Variants in NCALD observed in about 807,000 individuals in gnomAD.
The protein encoded by NCALD is neurocalcin delta.
A neutral mutation model predicts 18.6 loss-of-function variants in NCALD; 10 were observed. The observed-to-expected ratio is 0.54, with a 90% CI of 0.33 to 0.91. The LOEUF is 0.91. Ranked by LOEUF, NCALD falls within the 40% of genes least tolerant of loss-of-function variation. NCALD has a pLI of 0.03. For missense variants in NCALD, 184 were observed against 247.6 expected, an observed-to-expected ratio of 0.74 and a Z score of 1.72; for synonymous variants, 88 against 87.4, an observed-to-expected ratio of 1.01 and a Z score of -0.04.
upstream of NCALD, among the ~76,000 whole-genome samples, chr8:101,793,187 A>T (rs1812510110): frequency 6.6e-6 from 1 of 152,002 alleles, no homozygotes; most frequent in African/African-American, 2.4e-5. Flanking sequence ...CGTCTCTATT[A>T]AAAATACAAA....
chr8:101,867,604 G>A (rs1228732303), intron 4 of NCALD, among the ~76,000 whole-genome samples: 2 of 152,132 alleles, frequency 1.3e-5, no homozygotes, highest in African/African-American at 4.8e-5. Flanking sequence ...CACTGGCAAG[G>A]GGATTTAATT....
chr8:101,969,675 A>C (rs1399216216), intron 2 of NCALD, among the ~76,000 whole-genome samples: 1 of 152,202 alleles, frequency 6.6e-6, no homozygotes, highest in Non-Finnish European at 1.5e-5. Flanking sequence ...TTCTTCCAGC[A>C]TGAAACTTCG....
intron 1 of NCALD, among the ~76,000 whole-genome samples, chr8:102,075,195 A>T (rs540381313): frequency 1.3e-5 from 2 of 152,364 alleles, no homozygotes; most frequent in East Asian, 3.9e-4. Flanking sequence ...ACATATAACA[A>T]GTAGACAACT....
chr8:101,788,797 CT>C (rs888232135), intron 1 of NCALD: 8 of 152,214 alleles, frequency 5.3e-5, no homozygotes, highest in African/African-American at 1.9e-4. Flanking sequence ...TTGCCAGCAT[CT>C]TTTGAAGCTG....
At chr8:101,839,494 G>C (rs1201339301) in intron 4 of NCALD, among the ~76,000 whole-genome samples, 1 of 152,056 alleles carries the variant, frequency 6.6e-6, no homozygotes, top group Non-Finnish European at 1.5e-5. Flanking sequence ...GCTCTGCCAA[G>C]GTGCAAAGGG....
chr8:101,804,166 G>A (rs1398953494), intron 4 of NCALD, among the ~76,000 whole-genome samples: 1 of 150,924 alleles, frequency 6.6e-6, no homozygotes, highest in African/African-American at 2.4e-5. Context: ...ACAGTAATTT[G>A]TGAAAATGCA....
At chr8:101,980,357 C>G (rs1441087536) in intron 2 of NCALD, among the ~76,000 whole-genome samples, 1 of 152,074 alleles carries the variant, frequency 6.6e-6, no homozygotes, top group Non-Finnish European at 1.5e-5. Flanking sequence ...TTTTTTAGCC[C>G]CCAAAGAAGA....
Position 102,103,951 on chromosome 8 carries a change from T to C in NCALD, c.-210+20286A>G, listed in dbSNP as rs187978188. 4.6e-5 allele frequency among the ~76,000 whole-genome samples: 7 copies of C among 152,298 alleles called. No individual in the cohort carries two copies. The East Asian group carries it at 1.2e-3, about 25-fold the overall frequency. ...TGTTCCAATGGACATCTGGGATCATTGTAGCAGGTGGAGTAAGCAAAGAGA... is the reference window on the plus strand; with the variant it reads ...TGTTCCAATGGACATCTGGGATCATCGTAGCAGGTGGAGTAAGCAAAGAGA... On this transcript the variant is annotated intron_variant, in intron 1 of 6. Transcript: ENST00000311028.
intron 2 of NCALD, among the ~76,000 whole-genome samples, chr8:101,926,416 T>C (rs1160376226): frequency 6.6e-6 from 1 of 152,200 alleles, no homozygotes; most frequent in Admixed American, 6.5e-5. Flanking sequence ...TAGAAGATAA[T>C]TGTGGCTTGG....
At chr8:101,773,569 C>T (rs1811672264) in intron 1 of NCALD, among the ~76,000 whole-genome samples, 2 of 152,134 alleles carry the variant, frequency 1.3e-5, no homozygotes, top group South Asian at 4.1e-4. Flanking sequence ...ACCTGAGCAT[C>T]ACCTAGGAAG....
At chr8:101,801,887 C>G (rs938278636) in intron 4 of NCALD, among the ~76,000 whole-genome samples, 5 of 151,968 alleles carry the variant, frequency 3.3e-5, no homozygotes, top group Middle Eastern at 3.4e-3. Context: ...AGGATGGTCT[C>G]CATCTCCTGA....
chr8:101,877,531 T>G (rs1816277635), intron 4 of NCALD, among the ~76,000 whole-genome samples: 1 of 152,232 alleles, frequency 6.6e-6, no homozygotes, highest in South Asian at 2.1e-4. Context: ...TAAGCATTAG[T>G]CAGAGATAGT....
At chr8:102,054,101 G>A (rs1417541011) in intron 1 of NCALD, among the ~76,000 whole-genome samples, 1 of 152,194 alleles carries the variant, frequency 6.6e-6, no homozygotes, top group Non-Finnish European at 1.5e-5. Flanking sequence ...TAAAAGCAGA[G>A]TCAAATCTTT....
Position 101,905,050 on chromosome 8 carries a change from T to A in NCALD, c.-107+10759A>T, listed in dbSNP as rs72679041. Among the ~76,000 whole-genome samples the A allele has an allele frequency of 3.2e-3, 492 of 152,376 alleles. 3 individuals carry two copies. Among genetic ancestry groups the A allele is most frequent in the South Asian group, 0.024 (117 of 4,826 alleles). On this transcript the variant is annotated intron_variant, in intron 3 of 6. Coordinates refer to the NCALD transcript ENST00000311028. ...TCAGATCAATAGTTTTTATATTGCA[T>A]GGAACATTCTTACACTAAAATTTTA...
At chr8:101,745,548 G>C (rs1247796137) in intron 1 of NCALD, among the ~76,000 whole-genome samples, 2 of 152,118 alleles carry the variant, frequency 1.3e-5, no homozygotes, top group Admixed American at 1.3e-4. Flanking sequence ...GACAGGACTT[G>C]GTTAAGACAG....
intron 4 of NCALD, among the ~76,000 whole-genome samples, chr8:101,803,629 A>G (rs1303274479): frequency 1.3e-5 from 2 of 152,208 alleles, no homozygotes; most frequent in Non-Finnish European, 2.9e-5. Context: ...AACATTAAGA[A>G]GATTCATGAT....
At chr8:101,902,365 T>A (rs892043832) in intron 3 of NCALD, among the ~76,000 whole-genome samples, 3 of 152,180 alleles carry the variant, frequency 2.0e-5, no homozygotes, top group Non-Finnish European at 4.4e-5. Context: ...AATACGTTTT[T>A]TGAAGTAGTA....
intron 4 of NCALD, among the ~76,000 whole-genome samples, chr8:101,849,177 G>T (rs966952253): frequency 2.0e-5 from 3 of 152,076 alleles, no homozygotes; most frequent in South Asian, 2.1e-4. Flanking sequence ...GACACATTGT[G>T]GGGGGACCAA....
In NCALD at chr8:101,713,899, G is replaced by A. The variant is rs117360655; in HGVS notation, c.378+5353C>T. 9.7e-4 allele frequency among the ~76,000 whole-genome samples: 148 copies of A among 152,086 alleles called. 3 individuals are homozygous for A. In the East Asian group the frequency reaches 0.027, roughly 27 times the overall value. Reference sequence around the variant, plus strand: ...CCTTCTGAAACTATTCCAAACAATAGAAAAAGAGAGACTCTGAAAAGGCCT... The same window carrying A: ...CCTTCTGAAACTATTCCAAACAATAAAAAAAGAGAGACTCTGAAAAGGCCT... On this transcript the variant is annotated intron_variant, in intron 2 of 3. Transcript: ENST00000220931.
Sources: gnomAD v4.1 joint callset for allele counts (sites outside exome capture counted in the v4.1 genomes callset) on GRCh38, gnomAD v4.1.1 for gene constraint, MANE v1.5 for transcripts, NCBI Gene and HGNC (gene_info 2026-07-23, HGNC 2026-07-21) for gene names.